CADPS: variants seen among roughly 807,000 people sequenced by gnomAD.
CADPS encodes the protein calcium dependent secretion activator.
CADPS carries 57 observed loss-of-function variants against 167.3 expected under a neutral mutation model. The ratio of observed to expected loss-of-function variants is 0.34; its 90% CI spans 0.28 to 0.42. CADPS has a LOEUF of 0.42. Among genes scored for constraint, CADPS ranks in the 20% least tolerant of loss-of-function variants. The pLI is 1.00. For synonymous variants in CADPS, 676 were observed against 635.3 expected (o/e 1.06, Z -0.96); for missense variants, 1,414 against 1,738.1 (o/e 0.81, Z 3.32).
chr3:62,510,210 C>CTATCTATT (rs1355217490), intron 17 of CADPS, among the ~76,000 whole-genome samples: 1 of 151,978 alleles, frequency 6.6e-6, no homozygotes, highest in Non-Finnish European at 1.5e-5. Flanking sequence ...ATCTATCTAT[C>CTATCTATT]TATCTATCTA....
At chr3:62,727,368 A>T (rs1178993220) in intron 3 of CADPS, among the ~76,000 whole-genome samples, 2 of 151,920 alleles carry the variant, frequency 1.3e-5, no homozygotes, top group African/African-American at 4.9e-5. Context: ...TTACAATTTC[A>T]TTTATATGAA....
At chr3:62,677,667 G>A (rs6796568) in intron 3 of CADPS, among the ~76,000 whole-genome samples, 19,167 of 152,088 alleles carry the variant, frequency 0.13, 1,665 homozygotes, top group Admixed American at 0.21. Context: ...AAAGTAAGAT[G>A]TTTGCCCTGA....
chr3:62,703,918 G>A (rs35118295), intron 3 of CADPS, among the ~76,000 whole-genome samples: 12,096 of 152,220 alleles, frequency 0.079, 636 homozygotes, highest in Non-Finnish European at 0.12. Flanking sequence ...TCCCTCATCT[G>A]TAATAGGGTG....
At chr3:62,535,226 TTTTC>T (rs1281686541) in intron 12 of CADPS, among the ~76,000 whole-genome samples, 3 of 150,634 alleles carry the variant, frequency 2.0e-5, no homozygotes, top group African/African-American at 7.3e-5. Context: ...GCTTTTTTCT[TTTTC>T]TTTTTCTTTT....
intron 3 of CADPS, among the ~76,000 whole-genome samples, chr3:62,750,974 A>G (rs1041059106): frequency 5.3e-5 from 8 of 152,010 alleles, no homozygotes; most frequent in African/African-American, 1.9e-4. Flanking sequence ...TGGACTTAAC[A>G]CTCTTGCACA....
At chr3:62,462,590 C>A (rs1378868572) in intron 26 of CADPS, among the ~76,000 whole-genome samples, 1 of 152,252 alleles carries the variant, frequency 6.6e-6, no homozygotes, top group South Asian at 2.1e-4. Flanking sequence ...GAGGTGGGGA[C>A]GTGGTAAGTG....
chr3:62,579,930 G>C (rs2083065783), intron 8 of CADPS, among the ~76,000 whole-genome samples: 2 of 152,180 alleles, frequency 1.3e-5, no homozygotes, highest in South Asian at 4.1e-4. Context: ...AGGCTTGGAA[G>C]CCAATGGTGA....
chr3:62,759,675 A>G lies in CADPS; in HGVS notation c.556-5902T>C, dbSNP rs73842233. On this transcript the variant is annotated intron_variant, in intron 2 of 29. Coordinates refer to ENST00000383710, the MANE Select transcript of CADPS (RefSeq NM_003716.4). The stretch of plus-strand genomic sequence containing the variant: ...ATATGCAAGCCAAATAGTTATCTTG[A>G]CATGCATAGATACATTGAAAGTACC... Among the ~76,000 whole-genome samples, 1,231 of 152,252 alleles carry G rather than the reference A, an allele frequency of 8.1e-3. 15 individuals are homozygous for G. Among genetic ancestry groups the G allele is most frequent in the African/African-American group, 0.028 (1,148 of 41,534 alleles).
At chr3:62,613,265 C>T (rs2149334826) in intron 6 of CADPS, among the ~76,000 whole-genome samples, 1 of 152,260 alleles carries the variant, frequency 6.6e-6, no homozygotes, top group African/African-American at 2.4e-5. Flanking sequence ...AGCCCAGCAT[C>T]CTAAAAGTAT....
chr3:62,750,408 A>G (rs1318653530), intron 3 of CADPS, among the ~76,000 whole-genome samples: 1 of 151,700 alleles, frequency 6.6e-6, no homozygotes, highest in Non-Finnish European at 1.5e-5. Flanking sequence ...TTAATAAGAA[A>G]CATTAAATAA....
At chr3:62,476,270 C>G (rs1190359957) in intron 23 of CADPS, among the ~76,000 whole-genome samples, 1 of 152,114 alleles carries the variant, frequency 6.6e-6, no homozygotes, top group Non-Finnish European at 1.5e-5. Context: ...TCTGTTCTAC[C>G]AAGGAGAACA....
chr3:62,626,623 C>G lies in CADPS; in HGVS notation c.1325+19099G>C, dbSNP rs941055369. ...GGAAGAACGTCTTAAATTTGCTAAG[C>G]CTTTTTTGTTGTACAAAGAAGGCAA... On this transcript the variant is annotated intron_variant, in intron 6 of 29. Coordinates refer to ENST00000383710, the MANE Select transcript of CADPS (RefSeq NM_003716.4). 2.4e-5 allele frequency: 17 copies of G among 698,414 alleles called. No individual in the cohort carries two copies. The Admixed American group carries it at 3.4e-4, about 14-fold the overall frequency. 43.3% of individuals were successfully genotyped at this position (698,414 alleles called of 1,614,324 possible). A position where few individuals can be genotyped will look rare whatever the true frequency, so the allele number is the denominator to read the frequency against.
chr3:62,725,056 T>A (rs2076488256), intron 3 of CADPS, among the ~76,000 whole-genome samples: 1 of 152,216 alleles, frequency 6.6e-6, no homozygotes, highest in South Asian at 2.1e-4. Context: ...GACTTCCAGT[T>A]TTCTGCCTTT....
chr3:62,728,768 C>A (rs2077207664), intron 3 of CADPS, among the ~76,000 whole-genome samples: 1 of 151,906 alleles, frequency 6.6e-6, no homozygotes, highest in East Asian at 1.9e-4. Context: ...GTGTTTTATT[C>A]TCTATTATCT....
At chr3:62,857,006 C>A (rs2079834723) in intron 1 of CADPS, among the ~76,000 whole-genome samples, 1 of 151,984 alleles carries the variant, frequency 6.6e-6, no homozygotes, top group African/African-American at 2.4e-5. Context: ...TTCAAAAATT[C>A]TGTTCAGCTA....
intron 26 of CADPS, among the ~76,000 whole-genome samples, chr3:62,447,605 C>G (rs2057409027): frequency 6.6e-6 from 1 of 152,116 alleles, no homozygotes. Context: ...AGCTAATGAC[C>G]AGTTCTGGCC....
chr3:62,837,438 T>C (rs2076054815), intron 1 of CADPS, among the ~76,000 whole-genome samples: 1 of 152,206 alleles, frequency 6.6e-6, no homozygotes, highest in Non-Finnish European at 1.5e-5. Flanking sequence ...GGGCACTTAA[T>C]AGCCCTACGA....
chr3:62,725,655 A>G (rs2152053756), intron 3 of CADPS, among the ~76,000 whole-genome samples: 1 of 150,022 alleles, frequency 6.7e-6, no homozygotes, highest in East Asian at 1.9e-4. Context: ...TACAGGAAAC[A>G]CCGGTACATT....
chr3:62,772,041 A>G (rs1245313691), intron 1 of CADPS, among the ~76,000 whole-genome samples: 2 of 152,222 alleles, frequency 1.3e-5, no homozygotes, highest in Non-Finnish European at 2.9e-5. Flanking sequence ...TCTACTTTAC[A>G]GAGTCTTTGT....
Sources: gnomAD v4.1 joint callset for allele counts (sites outside exome capture counted in the v4.1 genomes callset) on GRCh38, gnomAD v4.1.1 for gene constraint, MANE v1.5 for transcripts, NCBI Gene and HGNC (gene_info 2026-07-23, HGNC 2026-07-21) for gene names.